Variants in HTR3E observed in about 807,000 individuals in gnomAD.
HTR3E encodes the protein 5-hydroxytryptamine receptor 3E.
In HTR3E, 38 loss-of-function variants were observed where a neutral mutation model predicts 38.0. The ratio of observed to expected loss-of-function variants is 1.00; its 90% CI spans 0.77 to 1.31. The LOEUF (loss-of-function observed/expected upper bound fraction) is 1.31, where lower values mean the gene tolerates loss of function less well. Among genes scored for constraint, HTR3E ranks in the 50% most tolerant of loss-of-function variants. HTR3E has a pLI of 0.00. For missense variants in HTR3E, 547 were observed against 585.2 expected (o/e 0.93, Z 0.67); for synonymous variants, 210 against 232.9 (o/e 0.90, Z 0.89).
At position 184,104,771 on chromosome 3, in the gene HTR3E, G is replaced by A. The variant is rs778769500; in HGVS notation, c.390-16G>A. ...AGAAACTGCAGCACCTGCCTCTTGCGTTATCTCTCCTCCAGCATGGATGTG... is the reference window on the plus strand; with the variant it reads ...AGAAACTGCAGCACCTGCCTCTTGCATTATCTCTCCTCCAGCATGGATGTG... On this transcript the variant is annotated splice_polypyrimidine_tract_variant and intron_variant, in intron 4 of 8. Transcript: ENST00000415389. 39 of 1,565,144 alleles carry A rather than the reference G, an allele frequency of 2.5e-5. No individual in the cohort carries two copies. In the South Asian group the frequency reaches 2.7e-4, roughly 11 times the overall value.
chr3:184,097,689 G>A, intron 1 of HTR3E, 93 bp downstream of exon 1: 1 of 896,666 alleles, frequency 1.1e-6, no homozygotes, highest in Non-Finnish European at 1.7e-6. Flanking sequence ...CCAACTCCTA[G>A]AGATTGTCTA....
chr3:184,097,738 G>A, intron 1 of HTR3E, 142 bp downstream of exon 1: 7 of 626,038 alleles, frequency 1.1e-5, no homozygotes, highest in South Asian at 8.0e-5. Context: ...TTACTAAGAT[G>A]CCCACATAGA....
rs779241530 is a variant in HTR3E at position 184,105,305 on chromosome 3, G to A, written c.598G>A (p.Glu200Lys). The A allele has an allele frequency of 6.2e-7, 1 of 1,614,010 alleles. No homozygotes were observed. Among genetic ancestry groups the A allele is most frequent in the Non-Finnish European group, 8.5e-7 (1 of 1,179,994 alleles). The change falls in exon 6 of 9, where the codon GAA becomes AAA. Residue 200 changes from glutamate (E) to lysine (K), a missense_variant. Coordinates refer to ENST00000415389, the MANE Select transcript of HTR3E (RefSeq NM_001256613.2). ...GCTGGACATGGAGAAAGAAGTGTGG[G>A]AAATAACAGACGCATCCCGGAACAT... is the stretch of plus-strand genomic sequence containing the variant. ...MLLDMEKEVW[E>K]ITDASRNILQ... is the part of the protein sequence containing the mutation.
rs1333276589 is a variant in HTR3E, at chr3:184,106,550, C to T, written c.1228C>T (p.Gln410Ter). 3.1e-6 allele frequency: 5 copies of T among 1,613,916 alleles called. No homozygotes were observed. In the South Asian group the frequency reaches 3.3e-5, roughly 11 times the overall value. The part of the protein sequence containing the change: ...LTGGSEWTRA[Q>*]REHEAQKQHS... ...AGGGGGCTCAGAATGGACAAGGGCC[C>T]AGCGGGAACACGAGGCCCAGAAGCA... Residue 410 changes from glutamine to a stop codon, truncating the protein, a stop_gained, in exon 9 of 9, where the codon CAG (glutamine) becomes TAG (stop). Transcript: ENST00000415389. LOFTEE classifies it low-confidence loss of function (END_TRUNC). This position sits in a 1 kb window ranked among gnomAD's most constrained non-coding sequence, Gnocchi z 4.1.
At chr3:184,103,208 T>A (rs1388051221) in intron 3 of HTR3E, among the ~76,000 whole-genome samples, 6 of 151,724 alleles carry the variant, frequency 4.0e-5, no homozygotes, top group Admixed American at 3.9e-4. Flanking sequence ...ATGGCTGGGC[T>A]TGGTGGTTCA....
In HTR3E at chr3:184,106,784, T is replaced by C; in HGVS notation, c.*91T>C. ...CCCCTTTCCTGAGTACCAACTATCA[T>C]ATCCCCAAAGATGACTGAGTCTCTG... On this transcript the variant is annotated 3_prime_UTR_variant, in exon 9 of 9. Transcript: ENST00000415389. The surrounding 1 kb of genome is among the most constrained non-coding windows in gnomAD (Gnocchi z 4.1). 1 of 1,280,554 alleles carries C rather than the reference T, an allele frequency of 7.8e-7. No individual in the cohort carries two copies. The highest frequency in any genetic ancestry group is 1.1e-6 in the Non-Finnish European group (1 of 901,052). The allele number at this position is 1,280,554 out of a possible 1,614,324, so 79.3% of individuals were successfully genotyped here.
At chr3:184,102,222 G>A (rs1712092116) in intron 3 of HTR3E, among the ~76,000 whole-genome samples, 1 of 152,122 alleles carries the variant, frequency 6.6e-6, no homozygotes, top group Admixed American at 6.6e-5. Context: ...CAGCACTTTG[G>A]GAGGCCAAGG....
At chr3:184,098,628 G>A (rs1480948289) in intron 1 of HTR3E, among the ~76,000 whole-genome samples, 1 of 152,180 alleles carries the variant, frequency 6.6e-6, no homozygotes, top group Non-Finnish European at 1.5e-5. Context: ...GCACTGTGAC[G>A]TTGGGAATGG....
In HTR3E at chr3:184,104,197, T is replaced by A; in HGVS notation, c.295T>A (p.Phe99Ile). 6.2e-7 allele frequency: 1 copy of A among 1,611,536 alleles called. No homozygotes were observed. The highest frequency in any genetic ancestry group is 1.1e-5 in the South Asian group (1 of 90,744). The change falls in exon 4 of 9, where the codon TTT becomes ATT. Residue 99 changes from phenylalanine (F) to isoleucine (I), a missense_variant. Transcript: ENST00000415389. Reference protein sequence around the residue: ...LWLEMVWDNPFISWNPEECEG... With the variant: ...LWLEMVWDNPIISWNPEECEG... ...TGGGCTCTAGGTTTGGGATAACCCA[T>A]TTATCAGCTGGAACCCAGAGGAATG...
Position 184,106,191 on chromosome 3 carries a change from C to A in HTR3E, c.989C>A (p.Thr330Asn). The change falls in exon 8 of 9, where the codon ACC (threonine) becomes AAC (asparagine). Residue 330 changes from threonine to asparagine, a missense_variant. Thr to Asn is a moderately conservative substitution (Grantham distance 65). Coordinates refer to ENST00000415389, the MANE Select transcript of HTR3E (RefSeq NM_001256613.2). This position sits in a 1 kb window ranked among gnomAD's most constrained non-coding sequence, Gnocchi z 4.1. ...AGCCTGCTGGAGACCATCTTCATCA[C>A]CCACCTGCTGCACGTGGCCACCACC... ...VGSLLETIFI[T>N]HLLHVATTQP... is the part of the protein sequence containing the mutation. 1 of 1,612,822 alleles carries A rather than the reference C, an allele frequency of 6.2e-7. No individual in the cohort carries two copies. The highest frequency in any genetic ancestry group is 8.5e-7 in the Non-Finnish European group (1 of 1,179,978).
chr3:184,098,209 C>G (rs551990856), intron 1 of HTR3E, among the ~76,000 whole-genome samples: 1 of 152,162 alleles, frequency 6.6e-6, no homozygotes, highest in Non-Finnish European at 1.5e-5. Context: ...GATTTGGAGA[C>G]AGGTGGACCT....
In HTR3E at chr3:184,106,404, G is replaced by A. The variant is rs997632823; in HGVS notation, c.1142-60G>A. On this transcript the variant is annotated intron_variant, in intron 8 of 8. Coordinates refer to ENST00000415389, the MANE Select transcript of HTR3E (RefSeq NM_001256613.2). The surrounding 1 kb of genome is among the most constrained non-coding windows in gnomAD (Gnocchi z 4.1). ...CTTCTCTGCTCCTGCCTCCTTCCCT[G>A]TCTCCCTCCCTCCACAGGTGACATT... 9 of 1,560,934 alleles carry A rather than the reference G, an allele frequency of 5.8e-6. No homozygotes were observed. The highest frequency in any genetic ancestry group is 7.8e-6 in the Non-Finnish European group (9 of 1,152,526).
chr3:184,100,447 T>C (rs1190846232), intron 1 of HTR3E, 38 bp from the exon 2 acceptor site: 1 of 1,614,158 alleles, frequency 6.2e-7, no homozygotes, highest in Admixed American at 1.7e-5. Context: ...AGCACAGGGT[T>C]GCTCTCCTTC....
At chr3:184,099,523 G>T (rs968651338) in intron 1 of HTR3E, among the ~76,000 whole-genome samples, 1 of 151,602 alleles carries the variant, frequency 6.6e-6, no homozygotes, top group South Asian at 2.1e-4. Flanking sequence ...GACCATCCTG[G>T]CTAACAAGGT....
chr3:184,105,834 A>G lies in HTR3E; in HGVS notation c.790A>G (p.Ile264Val). 1 of 1,614,100 alleles carries G rather than the reference A, an allele frequency of 6.2e-7. No homozygotes were observed. ...LLVPSGFLVA[I>V]DALSFYLPVK... ...CGTGCCCAGTGGCTTTCTGGTTGCC[A>G]TCGATGCCCTCAGCTTCTACCTGCC... The change falls in exon 7 of 9, where the codon ATC (isoleucine) becomes GTC (valine). Residue 264 changes from isoleucine (I) to valine (V), a missense_variant. Ile to Val is a conservative substitution (Grantham distance 29). Coordinates refer to ENST00000415389, the MANE Select transcript of HTR3E (RefSeq NM_001256613.2).
At position 184,106,195 on chromosome 3, in the gene HTR3E, C is replaced by T. The variant is rs762125933; in HGVS notation, c.993C>T (p.His331=). Residue 331 remains histidine, a synonymous_variant, in exon 8 of 9, where the codon CAC becomes CAT. Transcript: ENST00000415389. This position sits in a 1 kb window ranked among gnomAD's most constrained non-coding sequence, Gnocchi z 4.1. Reference sequence around the variant, plus strand: ...TGCTGGAGACCATCTTCATCACCCACCTGCTGCACGTGGCCACCACCCAGC... The same window carrying T: ...TGCTGGAGACCATCTTCATCACCCATCTGCTGCACGTGGCCACCACCCAGC... The part of the protein sequence containing the change: ...GSLLETIFIT[H]LLHVATTQPP... 2.5e-6 allele frequency: 4 copies of T among 1,612,884 alleles called. No homozygotes were observed. Among genetic ancestry groups the T allele is most frequent in the South Asian group, 2.2e-5 (2 of 91,010 alleles).
intron 1 of HTR3E, 146 bp from the exon 2 acceptor site, chr3:184,100,339 A>C: frequency 6.3e-7 from 1 of 1,589,014 alleles, no homozygotes. Context: ...TAAAGGGCTT[A>C]GAATATACCT....
At chr3:184,099,720 C>CAAAAAAAAA (rs1192532487) in intron 1 of HTR3E, among the ~76,000 whole-genome samples, 7 of 44,476 alleles carry the variant, frequency 1.6e-4, no homozygotes, top group Admixed American at 7.4e-4. Flanking sequence ...GACTCCGTCT[C>CAAAAAAAAA]AAAAAAAAAA....
intron 1 of HTR3E, chr3:184,100,188 C>T (rs915420758): frequency 2.8e-6 from 4 of 1,421,728 alleles, no homozygotes; most frequent in African/African-American, 1.4e-5. Flanking sequence ...AGAACAAGTC[C>T]GGCTTCTGCC....
Sources: allele counts gnomAD v4.1 joint callset (sites outside exome capture counted in the v4.1 genomes callset), GRCh38; gene constraint gnomAD v4.1.1; non-coding constraint Gnocchi (gnomAD v3.1); transcripts MANE v1.5; gene names NCBI Gene and HGNC (gene_info 2026-07-23, HGNC 2026-07-21).